The following CAMK1D variants were observed in gnomAD, a reference collection of about 807,000 sequenced individuals.
CAMK1D encodes calcium/calmodulin-dependent protein kinase type 1D.
CAMK1D carries 9 observed loss-of-function variants against 47.7 expected under a neutral mutation model. That is an observed-to-expected ratio of 0.19 (90% CI 0.11 to 0.33). The LOEUF is 0.33. Ranked by LOEUF, CAMK1D falls within the 10% of genes least tolerant of loss-of-function variation. The pLI is 1.00. For synonymous variants in CAMK1D, 184 were observed against 184.9 expected, an observed-to-expected ratio of 0.99 and a Z score of 0.04; for missense variants, 291 against 488.7, an observed-to-expected ratio of 0.60 and a Z score of 3.81.
rs139543795 is a variant in CAMK1D, at chr10:12,663,865, A to G, written c.225-2871A>G. On this transcript the variant is annotated intron_variant, in intron 2 of 10. Transcript: ENST00000619168. Reference sequence around the variant, plus strand: ...AAAACTTTACGTTCAGATTTTGCACATTGTAAGCAATGTGAGGGTGGAATA... The same window carrying G: ...AAAACTTTACGTTCAGATTTTGCACGTTGTAAGCAATGTGAGGGTGGAATA... 4.6e-5 allele frequency among the ~76,000 whole-genome samples: 7 copies of G among 152,286 alleles called. No homozygotes were observed. The East Asian group carries it at 1.4e-3, about 29-fold the overall frequency.
intron 2 of CAMK1D, among the ~76,000 whole-genome samples, chr10:12,611,240 G>C (rs1361414621): frequency 6.6e-6 from 1 of 152,094 alleles, no homozygotes; most frequent in Non-Finnish European, 1.5e-5. Flanking sequence ...CCCCATCAAA[G>C]TGCAGGCAAC....
At chr10:12,578,269 G>A (rs143070489) in intron 2 of CAMK1D, among the ~76,000 whole-genome samples, 1 of 152,036 alleles carries the variant, frequency 6.6e-6, no homozygotes, top group East Asian at 1.9e-4. Flanking sequence ...TGTAGGGCTG[G>A]GCACAGTGGC....
chr10:12,468,759 C>G (rs1451399980), intron 1 of CAMK1D, among the ~76,000 whole-genome samples: 1 of 152,176 alleles, frequency 6.6e-6, no homozygotes, highest in African/African-American at 2.4e-5. Context: ...TAAGTCTGAT[C>G]TGCACCCAAA....
intron 1 of CAMK1D, among the ~76,000 whole-genome samples, chr10:12,448,838 G>A (rs528808780): frequency 2.6e-5 from 4 of 152,150 alleles, no homozygotes; most frequent in Admixed American, 6.5e-5. Context: ...GATCACAGGG[G>A]CACGTACGGC....
intron 2 of CAMK1D, among the ~76,000 whole-genome samples, chr10:12,611,609 T>TTTTTTTTTTTTTTTTTTTG (rs1554796845): frequency 1.3e-4 from 16 of 124,768 alleles, no homozygotes; most frequent in East Asian, 4.9e-4. Context: ...TTTTTTTTTT[T>TTTTTTTTTTTTTTTTTTTG]GAGACAGAGT....
intron 1 of CAMK1D, among the ~76,000 whole-genome samples, chr10:12,404,905 T>C (rs1339084559): frequency 6.6e-6 from 1 of 151,976 alleles, no homozygotes; most frequent in East Asian, 1.9e-4. Flanking sequence ...GTCGGGCTGG[T>C]CTTGAACTCC....
chr10:12,532,107 A>G (rs1835822676), intron 1 of CAMK1D, among the ~76,000 whole-genome samples: 2 of 152,242 alleles, frequency 1.3e-5, no homozygotes, highest in Admixed American at 1.3e-4. Context: ...GAGCAATTAA[A>G]TCATTCCTAT....
Position 12,479,189 on chromosome 10 carries a change from TTTTTTTTC to T in CAMK1D, c.93-74020_93-74013del, listed in dbSNP as rs1222053367. 2.7e-3 allele frequency among the ~76,000 whole-genome samples: 410 copies of T among 152,076 alleles called. 5 individuals carry two copies. Among genetic ancestry groups the T allele is most frequent in the African/African-American group, 9.2e-3 (382 of 41,480 alleles). The stretch of plus-strand genomic sequence containing the variant: ...CCCAGTGACGCTGGAGAAGCTGCAT[TTTTTTTTC>T]TTTTTTTCTTTTTTTTGAGACGGAG... On this transcript the variant is annotated intron_variant, in intron 1 of 10. Coordinates refer to ENST00000619168, the MANE Select transcript of CAMK1D (RefSeq NM_153498.4).
chr10:12,736,435 C>G (rs1056921028), intron 3 of CAMK1D, among the ~76,000 whole-genome samples: 1 of 152,162 alleles, frequency 6.6e-6, no homozygotes, highest in African/African-American at 2.4e-5. Context: ...GTTCTAGTAA[C>G]AGTAATACTG....
At chr10:12,810,151 T>TAAAAAAAAAAAAAAA (rs749675063) in intron 6 of CAMK1D, among the ~76,000 whole-genome samples, 4 of 81,410 alleles carry the variant, frequency 4.9e-5, no homozygotes, top group Non-Finnish European at 8.7e-5. Flanking sequence ...CCTGTCTCAT[T>TAAAAAAAAAAAAAAA]AAAAAAAAAA....
chr10:12,488,252 C>A (rs904482563), intron 1 of CAMK1D, among the ~76,000 whole-genome samples: 3 of 152,042 alleles, frequency 2.0e-5, no homozygotes, highest in African/African-American at 7.3e-5. Flanking sequence ...TGCCCAAATC[C>A]CAGATGTGAT....
At chr10:12,825,473 T>C (rs530313980) in intron 9 of CAMK1D, 100 bp from the exon 10 acceptor site, 1 of 1,187,278 alleles carries the variant, frequency 8.4e-7, no homozygotes, top group South Asian at 1.5e-5. Context: ...TGTAAGGAGT[T>C]TGAAATGCTT....
At chr10:12,630,191 C>T (rs1839335793) in intron 2 of CAMK1D, among the ~76,000 whole-genome samples, 1 of 152,142 alleles carries the variant, frequency 6.6e-6, no homozygotes, top group Admixed American at 6.5e-5. Flanking sequence ...CTGGTTACTT[C>T]TTACCTAACT....
chr10:12,594,190 A>T (rs557978368), intron 2 of CAMK1D, among the ~76,000 whole-genome samples: 2 of 152,210 alleles, frequency 1.3e-5, no homozygotes, highest in South Asian at 4.1e-4. Flanking sequence ...ATAAGAGGTG[A>T]GCTCAGCTTA....
At chr10:12,802,026 C>A (rs1329078590) in intron 6 of CAMK1D, among the ~76,000 whole-genome samples, 1 of 152,196 alleles carries the variant, frequency 6.6e-6, no homozygotes, top group East Asian at 1.9e-4. Context: ...TATTCTCCTT[C>A]ATGGCCTTTT....
At chr10:12,735,164 T>G (rs1835122798) in intron 3 of CAMK1D, among the ~76,000 whole-genome samples, 1 of 152,244 alleles carries the variant, frequency 6.6e-6, no homozygotes, top group African/African-American at 2.4e-5. Flanking sequence ...ATGCCCGTTT[T>G]ACAGATGTGA....
At chr10:12,429,617 G>A (rs1840372619) in intron 1 of CAMK1D, among the ~76,000 whole-genome samples, 1 of 152,092 alleles carries the variant, frequency 6.6e-6, no homozygotes, top group Non-Finnish European at 1.5e-5. Flanking sequence ...TGGGATTACA[G>A]GCGTGAGCCA....
chr10:12,572,473 G>A (rs536970229), intron 2 of CAMK1D, among the ~76,000 whole-genome samples: 16 of 152,238 alleles, frequency 1.1e-4, no homozygotes, highest in African/African-American at 2.9e-4. Context: ...GGATTGAGGC[G>A]GAATGTTGGG....
chr10:12,518,733 T>C lies in CAMK1D; in HGVS notation c.93-34492T>C, dbSNP rs1346273592. On this transcript the variant is annotated intron_variant, in intron 1 of 10. Coordinates refer to ENST00000619168, the MANE Select transcript of CAMK1D (RefSeq NM_153498.4). ...TCAAGCATCTGTTTAACAAAGCACA[T>C]CTTGCACCGCCCTTAATCCATTTAA... Among the ~76,000 whole-genome samples the C allele has an allele frequency of 2.1e-5, 2 of 94,116 alleles. 1 individual carries two copies. The highest frequency in any genetic ancestry group is 7.9e-5 in the African/African-American group (2 of 25,372). 61.7% of individuals were successfully genotyped at this position (94,116 alleles called of 152,430 possible).
Sources: gnomAD v4.1 joint callset for allele counts (sites outside exome capture counted in the v4.1 genomes callset) on GRCh38, gnomAD v4.1.1 for gene constraint, MANE v1.5 for transcripts, NCBI Gene and HGNC (gene_info 2026-07-23, HGNC 2026-07-21) for gene names.